Variants in COL4A2 observed in about 807,000 individuals in gnomAD.
COL4A2 encodes the protein collagen alpha-2(IV) chain.
In COL4A2, 99 loss-of-function variants were observed where a neutral mutation model predicts 200.2. The ratio of observed to expected loss-of-function variants is 0.49; its 90% CI spans 0.42 to 0.58. COL4A2 has a LOEUF of 0.58. Among genes scored for constraint, COL4A2 ranks in the 20% least tolerant of loss-of-function variants. The probability of loss-of-function intolerance (pLI) is 0.00; values close to 1 mark genes in which losing one functional copy is unlikely to be tolerated. For synonymous variants in COL4A2, 897 were observed against 900.6 expected (o/e 1.00, Z 0.07); for missense variants, 1,950 against 2,314.1 (o/e 0.84, Z 3.23).
At position 110,509,270 on chromosome 13, in the gene COL4A2, TACACACACAC is replaced by T. The variant is rs60333796; in HGVS notation, c.4881+1067_4881+1076del. ...TTATATATATATATATATATATATA[TACACACACAC>T]ACACACACACACACACAACATAAAA... On this transcript the variant is annotated intron_variant, in intron 47 of 47. Transcript: ENST00000360467. Among the ~76,000 whole-genome samples the T allele has an allele frequency of 5.9e-4, 68 of 115,574 alleles. No homozygotes were observed. The South Asian group carries it at 0.013, about 22-fold the overall frequency. 75.8% of individuals were successfully genotyped at this position (115,574 alleles called of 152,430 possible). A position where few individuals can be genotyped will look rare whatever the true frequency, so the allele number is the denominator to read the frequency against.
chr13:110,486,884 T>C (rs980978771), intron 34 of COL4A2, among the ~76,000 whole-genome samples: 7 of 152,116 alleles, frequency 4.6e-5, no homozygotes, highest in Non-Finnish European at 7.3e-5. Flanking sequence ...GAACAGGCCA[T>C]TTTCACTTCT....
chr13:110,389,807 A>T (rs1295740676), intron 4 of COL4A2, among the ~76,000 whole-genome samples: 2 of 151,406 alleles, frequency 1.3e-5, no homozygotes, highest in Non-Finnish European at 2.9e-5. Context: ...CATTCACTGC[A>T]TTTGGTTTAA....
chr13:110,353,506 ACTC>A (rs371009148), intron 3 of COL4A2, among the ~76,000 whole-genome samples: 5 of 151,832 alleles, frequency 3.3e-5, no homozygotes, highest in African/African-American at 1.2e-4. Flanking sequence ...CAGTCCTCAC[ACTC>A]CTCCTCTGAG....
chr13:110,331,635 C>G (rs1206979328), intron 3 of COL4A2, among the ~76,000 whole-genome samples: 1 of 152,168 alleles, frequency 6.6e-6, no homozygotes, highest in Non-Finnish European at 1.5e-5. Context: ...AGCCAAGTTT[C>G]TAAGACCAAG....
chr13:110,463,613 G>A (rs1249246082), intron 24 of COL4A2, among the ~76,000 whole-genome samples: 1 of 152,162 alleles, frequency 6.6e-6, no homozygotes, highest in Non-Finnish European at 1.5e-5. Context: ...GCTCACTGCA[G>A]CCTCGAACTT....
Position 110,307,888 on chromosome 13 carries a change from T to A in COL4A2, c.-16T>A. On this transcript the variant is annotated 5_prime_UTR_variant, in exon 2 of 48. Transcript: ENST00000360467. The surrounding 1 kb of genome is among the most constrained non-coding windows in gnomAD (Gnocchi z 5.0). ...AAGTGGGACTGACCGGGGCCCAGAG[T>A]GGACGAACCGCCAGCATGGGGAGAG... is the stretch of plus-strand genomic sequence containing the variant. The A allele has an allele frequency of 3.1e-6, 5 of 1,610,678 alleles. No individual in the cohort carries two copies. Among genetic ancestry groups the A allele is most frequent in the Non-Finnish European group, 4.2e-6 (5 of 1,178,474 alleles).
In COL4A2 at chr13:110,450,292, T is replaced by C. The variant is rs1566539833; in HGVS notation, c.1190-13T>C. On this transcript the variant is annotated splice_polypyrimidine_tract_variant and intron_variant, in intron 19 of 47. Transcript: ENST00000360467. ...GGAGACTCACGCTGCAGGTGAATGC[T>C]GTTTGGTTTCAGATCAGAGGAGAGG... is the stretch of plus-strand genomic sequence containing the variant. 1.2e-6 allele frequency: 2 copies of C among 1,611,586 alleles called. No individual in the cohort carries two copies. Among genetic ancestry groups the C allele is most frequent in the Non-Finnish European group, 1.7e-6 (2 of 1,178,114 alleles).
intron 26 of COL4A2, among the ~76,000 whole-genome samples, chr13:110,466,287 C>A (rs1034729405): frequency 1.3e-5 from 2 of 152,132 alleles, no homozygotes; most frequent in East Asian, 3.8e-4. Flanking sequence ...GTCAGAAATC[C>A]TTTTTCACTG....
At position 110,513,129 on chromosome 13, in the gene COL4A2, T is replaced by G. The variant is rs945779903; in HGVS notation, c.*938T>G. Reference sequence around the variant, plus strand: ...CGCCCACGCTGCTGTTTTTAATCCATCTCAGTAGAGTTGAACCCATTCGTG... The same window carrying G: ...CGCCCACGCTGCTGTTTTTAATCCAGCTCAGTAGAGTTGAACCCATTCGTG... On this transcript the variant is annotated 3_prime_UTR_variant, in exon 48 of 48. Coordinates refer to ENST00000360467, the MANE Select transcript of COL4A2 (RefSeq NM_001846.4). 5.9e-5 allele frequency: 9 copies of G among 152,164 alleles called. No individual in the cohort carries two copies. Among genetic ancestry groups the G allele is most frequent in the African/African-American group, 1.7e-4 (7 of 41,430 alleles). 9.4% of individuals were successfully genotyped at this position (152,164 alleles called of 1,614,324 possible).
intron 3 of COL4A2, among the ~76,000 whole-genome samples, chr13:110,348,240 CT>C (rs1272660460): frequency 6.6e-6 from 1 of 152,250 alleles, no homozygotes; most frequent in Non-Finnish European, 1.5e-5. Context: ...GGGAGCGCCC[CT>C]GTCCTTCAGG....
chr13:110,498,119 G>A (rs1461276448), intron 40 of COL4A2, among the ~76,000 whole-genome samples: 6 of 152,232 alleles, frequency 3.9e-5, no homozygotes, highest in African/African-American at 7.2e-5. Context: ...TGCGTCTCAC[G>A]TGCACCATAT....
chr13:110,342,281 A>C (rs914515817), intron 3 of COL4A2, among the ~76,000 whole-genome samples: 2 of 152,234 alleles, frequency 1.3e-5, no homozygotes, highest in African/African-American at 4.8e-5. Context: ...CTAGAACTTA[A>C]CATTAAATCA....
At chr13:110,455,439 C>T (rs1293707677) in intron 20 of COL4A2, among the ~76,000 whole-genome samples, 1 of 152,084 alleles carries the variant, frequency 6.6e-6, no homozygotes, top group African/African-American at 2.4e-5. Context: ...AGCTGACTAC[C>T]CCCAAAACAT....
intron 3 of COL4A2, among the ~76,000 whole-genome samples, chr13:110,316,235 G>T (rs1459101384): frequency 6.6e-6 from 1 of 152,166 alleles, no homozygotes; most frequent in Non-Finnish European, 1.5e-5. Flanking sequence ...TTTTCCACAT[G>T]TTGAGTGTTT....
intron 8 of COL4A2, 141 bp from the exon 9 acceptor site, chr13:110,430,260 T>C: frequency 1.0e-6 from 1 of 976,806 alleles, no homozygotes; most frequent in Non-Finnish European, 1.4e-6. Context: ...TTAGTAAAAA[T>C]TAATATTAGT....
intron 4 of COL4A2, among the ~76,000 whole-genome samples, chr13:110,367,355 A>G (rs890042544): frequency 1.3e-5 from 2 of 152,220 alleles, no homozygotes; most frequent in Non-Finnish European, 2.9e-5. Context: ...TTTTCTATTA[A>G]ATTGTTGTCT....
At chr13:110,356,651 T>C (rs1877280366) in intron 3 of COL4A2, among the ~76,000 whole-genome samples, 1 of 152,236 alleles carries the variant, frequency 6.6e-6, no homozygotes, top group Admixed American at 6.5e-5. Context: ...GAGTTTCTCA[T>C]GCATGCCACA....
chr13:110,423,824 C>T (rs868390206), intron 4 of COL4A2, among the ~76,000 whole-genome samples: 5 of 152,146 alleles, frequency 3.3e-5, no homozygotes, highest in Non-Finnish European at 7.4e-5. Flanking sequence ...CAGGAGTTGT[C>T]GTTTTGTGAC....
intron 16 of COL4A2, 51 bp downstream of exon 16, chr13:110,439,884 A>G: frequency 6.3e-7 from 1 of 1,595,712 alleles, no homozygotes; most frequent in Non-Finnish European, 8.5e-7. Context: ...GACATCCCAC[A>G]GAGGTTAAAT....
Sources: gnomAD v4.1 joint callset for allele counts (sites outside exome capture counted in the v4.1 genomes callset) on GRCh38, gnomAD v4.1.1 for gene constraint, Gnocchi (gnomAD v3.1) non-coding constraint, MANE v1.5 for transcripts, NCBI Gene and HGNC (gene_info 2026-07-23, HGNC 2026-07-21) for gene names.